PLEKHG2: variants seen among roughly 807,000 people sequenced by gnomAD.
PLEKHG2 encodes pleckstrin homology domain-containing family G member 2.
Under a neutral mutation model 104.4 loss-of-function variants are expected in PLEKHG2, and 71 were observed. The ratio of observed to expected loss-of-function variants is 0.68; its 90% CI spans 0.56 to 0.83. PLEKHG2 has a LOEUF of 0.83. PLEKHG2 is among the 40% of genes least tolerant of loss of function. PLEKHG2 has a pLI of 0.00. For synonymous variants in PLEKHG2, 728 were observed against 737.0 expected (o/e 0.99, Z 0.20); for missense variants, 1,730 against 1,809.4 (o/e 0.96, Z 0.80).
chr19:39,417,149 C>G, intron 7 of PLEKHG2, 149 bp downstream of exon 7: 1 of 924,848 alleles, frequency 1.1e-6, no homozygotes, highest in Non-Finnish European at 1.6e-6. Context: ...GCGCACAGCC[C>G]TAGCTTTTTT....
Position 39,422,289 on chromosome 19 carries a change from G to T in PLEKHG2, c.1677+1G>T, listed in dbSNP as rs1490383619. 1 of 1,609,194 alleles carries T rather than the reference G, an allele frequency of 6.2e-7. No homozygotes were observed. The highest frequency in any genetic ancestry group is 8.5e-7 in the Non-Finnish European group (1 of 1,177,708). ...TCAGCGAGGCCTTCGAGATCCAGGG[G>T]TGAGCTGGCTGTCCCATCATGGTGT... On this transcript the variant is annotated splice_donor_variant, in intron 17 of 18. Coordinates refer to ENST00000425673, the MANE Select transcript of PLEKHG2 (RefSeq NM_022835.3). LOFTEE classifies it high-confidence loss of function.
rs1054397031 is a variant in PLEKHG2 at position 39,413,768 on chromosome 19, A to G, written c.-22-297A>G. The G allele has an allele frequency of 5.4e-6, 1 of 185,502 alleles. No homozygotes were observed. 11.5% of individuals were successfully genotyped at this position (185,502 alleles called of 1,614,324 possible). A position where few individuals can be genotyped will look rare whatever the true frequency, so the allele number is the denominator to read the frequency against. On this transcript the variant is annotated intron_variant, in intron 1 of 18. Transcript: ENST00000425673. The surrounding 1 kb of genome is among the most constrained non-coding windows in gnomAD (Gnocchi z 4.5). ...AGCCCTGCCCCTCGCCCTCCGCTCC[A>G]GCTGGAGCCCAAACGTTCCCAGGAT... is the stretch of plus-strand genomic sequence containing the variant.
In PLEKHG2 at chr19:39,423,562, T is replaced by C; in HGVS notation, c.2508T>C (p.Thr836=). The change falls in exon 18 of 19, where the codon ACT becomes ACC. Residue 836 remains threonine (T), a synonymous_variant. Coordinates refer to ENST00000425673, the MANE Select transcript of PLEKHG2 (RefSeq NM_022835.3). The part of the protein sequence containing the change: ...ERIQQMQRAE[T]RASANAPRRR... ...TCCAGCAGATGCAGCGGGCGGAGAC[T>C]CGGGCATCAGCCAATGCCCCGCGCC... 2 of 1,539,514 alleles carry C rather than the reference T, an allele frequency of 1.3e-6. No homozygotes were observed. Among genetic ancestry groups the C allele is most frequent in the Non-Finnish European group, 1.7e-6 (2 of 1,142,990 alleles).
chr19:39,425,207 G>A lies in PLEKHG2; in HGVS notation c.4074G>A (p.Leu1358=), dbSNP rs763556944. 1 of 1,612,944 alleles carries A rather than the reference G, an allele frequency of 6.2e-7. No individual in the cohort carries two copies. The highest frequency in any genetic ancestry group is 8.5e-7 in the Non-Finnish European group (1 of 1,179,864). ...RLRPAKAQVR[L]NHPALLASTQ... ...GGCCAGCCAAGGCCCAGGTCCGGTT[G>A]AACCACCCTGCTCTCTTGGCCTCCA... The change falls in exon 19 of 19, where the codon TTG becomes TTA. Residue 1358 remains leucine, a synonymous_variant. Transcript: ENST00000425673.
intron 11 of PLEKHG2, among the ~76,000 whole-genome samples, chr19:39,419,905 T>C (rs2078671648): frequency 1.0e-5 from 1 of 100,274 alleles, no homozygotes; most frequent in East Asian, 3.0e-4. Context: ...AAAGAAAAAT[T>C]AGCTGGGCAT....
rs766751427 is a variant in PLEKHG2 at position 39,417,958 on chromosome 19, G to A, written c.936G>A (p.Gly312=). 1.6e-5 allele frequency: 24 copies of A among 1,545,034 alleles called. No individual in the cohort carries two copies. The South Asian group carries it at 2.9e-4, about 18-fold the overall frequency. Residue 312 remains glycine, a synonymous_variant, in exon 9 of 19, where the codon GGG becomes GGA. Transcript: ENST00000425673. ...GWTGPELSAF[G]ELVLEGAFRG... is the part of the protein sequence containing the mutation. ...CCGGACCAGAGCTCAGTGCTTTTGG[G>A]GAACTGGTGTTGGAGGGCGCGTTCC...
Position 39,424,923 on chromosome 19 carries a change from C to A in PLEKHG2, c.3790C>A (p.Pro1264Thr), listed in dbSNP as rs755317221. The A allele has an allele frequency of 1.9e-6, 3 of 1,614,248 alleles. No individual in the cohort carries two copies. Among genetic ancestry groups the A allele is most frequent in the Non-Finnish European group, 1.7e-6 (2 of 1,180,040 alleles). Residue 1264 changes from proline to threonine, a missense_variant, in exon 19 of 19, where the codon CCT (proline) becomes ACT (threonine). Pro to Thr is a conservative substitution (Grantham distance 38). Transcript: ENST00000425673. ...SDLTPPHSPPPSSRQLLGPNA... is the reference protein window; with the variant it reads ...SDLTPPHSPPTSSRQLLGPNA... ...CTTGACGCCACCTCATAGTCCCCCA[C>A]CTTCCAGCCGTCAGCTCCTGGGCCC... is the stretch of plus-strand genomic sequence containing the variant.
Position 39,415,477 on chromosome 19 carries a change from G to T in PLEKHG2, c.479+38G>T, listed in dbSNP as rs1431241025. ...GGGGACAGGCAGGGGGCATTGATTG[G>T]TTGGAGGGTCTATTTCCTAATCCAA... On this transcript the variant is annotated intron_variant, in intron 4 of 18. Transcript: ENST00000425673. The surrounding 1 kb of genome is among the most constrained non-coding windows in gnomAD (Gnocchi z 4.6). 1 of 1,607,188 alleles carries T rather than the reference G, an allele frequency of 6.2e-7. No homozygotes were observed. Among genetic ancestry groups the T allele is most frequent in the Non-Finnish European group, 8.5e-7 (1 of 1,175,286 alleles).
At chr19:39,414,504 A>G (rs1378761407) in intron 2 of PLEKHG2, among the ~76,000 whole-genome samples, 1 of 152,246 alleles carries the variant, frequency 6.6e-6, no homozygotes, top group Non-Finnish European at 1.5e-5. Flanking sequence ...AGTATTCTAC[A>G]TGCAAGGAAC....
In PLEKHG2 at chr19:39,415,408, G is replaced by T. The variant is rs2078587318; in HGVS notation, c.448G>T (p.Ala150Ser). The T allele has an allele frequency of 6.2e-7, 1 of 1,614,022 alleles. No individual in the cohort carries two copies. The highest frequency in any genetic ancestry group is 8.5e-7 in the Non-Finnish European group (1 of 1,180,022). Residue 150 changes from alanine (A) to serine (S), a missense_variant, in exon 4 of 19, where the codon GCC becomes TCC. Transcript: ENST00000425673. This position sits in a 1 kb window ranked among gnomAD's most constrained non-coding sequence, Gnocchi z 4.6. ...CGTGGAGCAGGTGGGCACGCTGTTT[G>T]CCAACATTGAGGACATCTACGAGTT... is the stretch of plus-strand genomic sequence containing the variant. ...LSVEQVGTLF[A>S]NIEDIYEFSS...
chr19:39,418,897 C>A lies in PLEKHG2; in HGVS notation c.1177-20C>A, dbSNP rs543071130. 3 of 1,605,290 alleles carry A rather than the reference C, an allele frequency of 1.9e-6. No homozygotes were observed. The highest frequency in any genetic ancestry group is 2.6e-6 in the Non-Finnish European group (3 of 1,174,022). ...AGACCTCACACCTGGCCCCCTGACT[C>A]TACTCCAACCCACTCCTAGGCCAAG... is the stretch of plus-strand genomic sequence containing the variant. On this transcript the variant is annotated intron_variant, in intron 10 of 18. Transcript: ENST00000425673.
rs1172722681 is a variant in PLEKHG2, at chr19:39,427,022, T to C, written c.*1728T>C. 1 of 151,912 alleles carries C rather than the reference T, an allele frequency of 6.6e-6. No individual in the cohort carries two copies. Among genetic ancestry groups the C allele is most frequent in the Admixed American group, 6.6e-5 (1 of 15,238 alleles). The allele number at this position is 151,912 out of a possible 1,614,324, so 9.4% of individuals were successfully genotyped here. Reference sequence around the variant, plus strand: ...ACCATGCCCAGCTAATTTTTCGTTGTTGTTGTTGTTGTTTTGTTTTTGAGA... The same window carrying C: ...ACCATGCCCAGCTAATTTTTCGTTGCTGTTGTTGTTGTTTTGTTTTTGAGA... On this transcript the variant is annotated 3_prime_UTR_variant, in exon 19 of 19. Coordinates refer to ENST00000425673, the MANE Select transcript of PLEKHG2 (RefSeq NM_022835.3).
Position 39,413,327 on chromosome 19 carries a change from T to C in PLEKHG2, c.-108T>C, listed in dbSNP as rs1178908417. On this transcript the variant is annotated 5_prime_UTR_variant, in exon 1 of 19. Transcript: ENST00000425673. The surrounding 1 kb of genome is among the most constrained non-coding windows in gnomAD (Gnocchi z 4.5). ...AGAGCCCGAAGTTCACGCCCCTGAG[T>C]CTGGGCTCCGCACCTCCCTGGGGAC... 1 of 152,106 alleles carries C rather than the reference T, an allele frequency of 6.6e-6. No homozygotes were observed. The highest frequency in any genetic ancestry group is 1.5e-5 in the Non-Finnish European group (1 of 68,032). 9.4% of individuals were successfully genotyped at this position (152,106 alleles called of 1,614,324 possible).
At position 39,418,777 on chromosome 19, in the gene PLEKHG2, G is replaced by A. The variant is rs865968303; in HGVS notation, c.1127G>A (p.Gly376Glu). ...AGCGAGAGTCCCCGAGACCCTCTAG[G>A]GTTCAAGGTGTCTGATCTGACCATT... is the stretch of plus-strand genomic sequence containing the variant. Reference protein sequence around the residue: ...SVSESPRDPLGFKVSDLTIPK... With the variant: ...SVSESPRDPLEFKVSDLTIPK... Residue 376 changes from glycine to glutamate, a missense_variant, in exon 10 of 19, where the codon GGG becomes GAG. By Grantham distance (98) the Gly-to-Glu change is moderately conservative (BLOSUM62 -2). Transcript: ENST00000425673. The A allele has an allele frequency of 1.2e-6, 2 of 1,613,112 alleles. No homozygotes were observed. Among genetic ancestry groups the A allele is most frequent in the Non-Finnish European group, 8.5e-7 (1 of 1,179,316 alleles).
At chr19:39,414,884 G>A in intron 2 of PLEKHG2, 108 bp from the exon 3 acceptor site, 3 of 1,300,756 alleles carry the variant, frequency 2.3e-6, no homozygotes, top group South Asian at 1.5e-5. Flanking sequence ...GAGCCTGTGG[G>A]AAAGCTGTTG....
At position 39,418,751 on chromosome 19, in the gene PLEKHG2, G is replaced by C; in HGVS notation, c.1101G>C (p.Val367=). 1 of 1,613,028 alleles carries C rather than the reference G, an allele frequency of 6.2e-7. No homozygotes were observed. Among genetic ancestry groups the C allele is most frequent in the Non-Finnish European group, 8.5e-7 (1 of 1,179,244 alleles). The change falls in exon 10 of 19, where the codon GTG becomes GTC. Residue 367 remains valine, a synonymous_variant. Transcript: ENST00000425673. The part of the protein sequence containing the change: ...KGHIFCCNLS[V]SESPRDPLGF... ...CCTTCCAGTGCTGCAACCTGAGCGT[G>C]AGCGAGAGTCCCCGAGACCCTCTAG...
Position 39,423,756 on chromosome 19 carries a change from G to A in PLEKHG2, c.2623G>A (p.Val875Met), listed in dbSNP as rs757452186. ...EPGLLPAFGH[V>M]LVCELAFPLT... Reference sequence around the variant, plus strand: ...AGGGCTCCTGCCTGCCTTTGGACACGTGCTGGTATGTGAGCTGGCCTTCCC... The same window carrying A: ...AGGGCTCCTGCCTGCCTTTGGACACATGCTGGTATGTGAGCTGGCCTTCCC... Residue 875 changes from valine to methionine, a missense_variant, in exon 19 of 19, where the codon GTG becomes ATG. Physicochemically the swap from Val to Met is conservative, Grantham distance 21. Coordinates refer to ENST00000425673, the MANE Select transcript of PLEKHG2 (RefSeq NM_022835.3). The A allele has an allele frequency of 3.3e-5, 54 of 1,612,876 alleles. No homozygotes were observed. The highest frequency in any genetic ancestry group is 1.2e-5 in the Non-Finnish European group (14 of 1,179,208).
At position 39,416,085 on chromosome 19, in the gene PLEKHG2, A is replaced by G. The variant is rs2078598358; in HGVS notation, c.480-263A>G. 6.6e-6 allele frequency among the ~76,000 whole-genome samples: 1 copy of G among 152,112 alleles called. No homozygotes were observed. Among genetic ancestry groups the G allele is most frequent in the Admixed American group, 6.5e-5 (1 of 15,284 alleles). On this transcript the variant is annotated intron_variant, in intron 4 of 18. Coordinates refer to ENST00000425673, the MANE Select transcript of PLEKHG2 (RefSeq NM_022835.3). This position sits in a 1 kb window ranked among gnomAD's most constrained non-coding sequence, Gnocchi z 4.5. ...TCATCCTAGCTCTTTGGGTCATGAT[A>G]TAACACCCCTAGGCTCATGCCAGCA... is the stretch of plus-strand genomic sequence containing the variant.
Position 39,424,916 on chromosome 19 carries a change from T to C in PLEKHG2, c.3783T>C (p.Ser1261=), listed in dbSNP as rs1359423596. ...LESSDLTPPH[S]PPPSSRQLLG... ...CTTCAGACTTGACGCCACCTCATAGTCCCCCACCTTCCAGCCGTCAGCTCC... is the reference window on the plus strand; with the variant it reads ...CTTCAGACTTGACGCCACCTCATAGCCCCCCACCTTCCAGCCGTCAGCTCC... The change falls in exon 19 of 19, where the codon AGT becomes AGC. Residue 1261 remains serine, a synonymous_variant. Transcript: ENST00000425673. 6.2e-7 allele frequency: 1 copy of C among 1,613,972 alleles called. No individual in the cohort carries two copies.
Sources: gnomAD v4.1 joint callset for allele counts (sites outside exome capture counted in the v4.1 genomes callset) on GRCh38, gnomAD v4.1.1 for gene constraint, Gnocchi (gnomAD v3.1) non-coding constraint, MANE v1.5 for transcripts, NCBI Gene and HGNC (gene_info 2026-07-23, HGNC 2026-07-21) for gene names.